The following TRIO variants were observed in gnomAD, a reference collection of about 807,000 sequenced individuals.
TRIO encodes the protein triple functional domain protein.
Under a neutral mutation model 351.9 loss-of-function variants are expected in TRIO, and 58 were observed. The ratio of observed to expected loss-of-function variants is 0.16; its 90% CI spans 0.13 to 0.21. TRIO has a LOEUF of 0.21. TRIO is among the 10% of genes least tolerant of loss of function. The probability of loss-of-function intolerance (pLI) is 1.00; values close to 1 mark genes in which losing one functional copy is unlikely to be tolerated. For synonymous variants in TRIO, 1,758 were observed against 1,595.7 expected (o/e 1.10, Z -2.42); for missense variants, 3,201 against 4,027.8 (o/e 0.79, Z 5.56).
chr5:14,377,156 GTT>G (rs112812791), intron 19 of TRIO, among the ~76,000 whole-genome samples: 1 of 137,456 alleles, frequency 7.3e-6, no homozygotes, highest in African/African-American at 2.6e-5. Flanking sequence ...CATGAGGTTT[GTT>G]TTTTTTTTTC....
At chr5:14,351,736 C>T (rs1296580494) in intron 11 of TRIO, among the ~76,000 whole-genome samples, 3 of 152,184 alleles carry the variant, frequency 2.0e-5, no homozygotes, top group Non-Finnish European at 4.4e-5. Context: ...TGTGTTGGGC[C>T]CCTCCTTCCA....
intron 1 of TRIO, among the ~76,000 whole-genome samples, chr5:14,176,469 CA>C (rs565104346): frequency 8.1e-5 from 12 of 147,432 alleles, no homozygotes; most frequent in South Asian, 6.5e-4. Context: ...GACTCTGTCT[CA>C]AAAAAAAAAC....
chr5:14,329,694 A>G (rs200287276), intron 9 of TRIO, among the ~76,000 whole-genome samples: 3 of 152,374 alleles, frequency 2.0e-5, no homozygotes, highest in South Asian at 4.1e-4. Flanking sequence ...ATATGTTTAA[A>G]TATTTAAAAT....
At chr5:14,453,504 A>G (rs1354747059) in intron 34 of TRIO, among the ~76,000 whole-genome samples, 20 of 152,240 alleles carry the variant, frequency 1.3e-4, no homozygotes, top group Non-Finnish European at 1.0e-4. Flanking sequence ...GTTCTGTGCT[A>G]TCATGGAGTC....
At chr5:14,291,681 C>G (rs1736917279) in intron 5 of TRIO, among the ~76,000 whole-genome samples, 1 of 149,670 alleles carries the variant, frequency 6.7e-6, no homozygotes, top group Non-Finnish European at 1.5e-5. Context: ...CCCAGCTACT[C>G]AGGAGGCTGA....
chr5:14,191,534 T>TCA (rs1790457551), intron 1 of TRIO, among the ~76,000 whole-genome samples: 1 of 135,230 alleles, frequency 7.4e-6, no homozygotes, highest in Non-Finnish European at 1.6e-5. Context: ...CCTGTTTCTT[T>TCA]AAAAAAAAAA....
At chr5:14,178,317 A>AT (rs1789529406) in intron 1 of TRIO, among the ~76,000 whole-genome samples, 1 of 152,210 alleles carries the variant, frequency 6.6e-6, no homozygotes, top group African/African-American at 2.4e-5. Flanking sequence ...TAATATTCAA[A>AT]TTTACTGGCA....
At chr5:14,448,326 C>G (rs1348432282) in intron 34 of TRIO, among the ~76,000 whole-genome samples, 1 of 152,238 alleles carries the variant, frequency 6.6e-6, no homozygotes, top group South Asian at 2.1e-4. Context: ...AGCAGGCTGT[C>G]GCTCCTTGCC....
intron 1 of TRIO, among the ~76,000 whole-genome samples, chr5:14,152,355 AGTTTTTTT>A (rs796464642): frequency 3.5e-4 from 49 of 140,278 alleles, no homozygotes; most frequent in African/African-American, 1.2e-3. Context: ...GATGTATTTC[AGTTTTTTT>A]GTTTGTTTGT....
chr5:14,225,166 C>G (rs186130995), intron 1 of TRIO, among the ~76,000 whole-genome samples: 156 of 152,188 alleles, frequency 1.0e-3, no homozygotes, highest in African/African-American at 3.5e-3. Flanking sequence ...CTGTAACACG[C>G]TGATCAGAAA....
At chr5:14,226,354 G>T (rs978339962) in intron 1 of TRIO, among the ~76,000 whole-genome samples, 2 of 152,196 alleles carry the variant, frequency 1.3e-5, no homozygotes, top group Non-Finnish European at 2.9e-5. Context: ...TAGCGCAGCT[G>T]TGTTTTTAGA....
chr5:14,212,596 T>C (rs1479761980), intron 1 of TRIO, among the ~76,000 whole-genome samples: 1 of 152,156 alleles, frequency 6.6e-6, no homozygotes, highest in African/African-American at 2.4e-5. Flanking sequence ...CAGAAGTGCC[T>C]GAGGAAGGCC....
At chr5:14,481,698 G>C (rs1755530581) in intron 45 of TRIO, 80 bp downstream of exon 45, 4 of 1,424,970 alleles carry the variant, frequency 2.8e-6, no homozygotes, top group Non-Finnish European at 2.9e-6. Flanking sequence ...TCTCCACATA[G>C]AGAAAGCTGA....
chr5:14,405,288 C>T (rs1357001524), intron 31 of TRIO, among the ~76,000 whole-genome samples: 2 of 152,160 alleles, frequency 1.3e-5, no homozygotes, highest in African/African-American at 4.8e-5. Flanking sequence ...CTCAGTTGCT[C>T]ATTTATAAGA....
chr5:14,386,928 G>C (rs950986508), intron 21 of TRIO, among the ~76,000 whole-genome samples: 2 of 152,214 alleles, frequency 1.3e-5, no homozygotes, highest in Non-Finnish European at 2.9e-5. Flanking sequence ...AGCTTCATGA[G>C]GAATTTTGTT....
At position 14,154,132 on chromosome 5, in the gene TRIO, T is replaced by C. The variant is rs1052696084; in HGVS notation, c.157+10250T>C. On this transcript the variant is annotated intron_variant, in intron 1 of 56. Coordinates refer to ENST00000344204, the MANE Select transcript of TRIO (RefSeq NM_007118.4). ...CTCACAGTCTGGGGAGAAATCCTGA[T>C]TGAAATCTTGGCCCTCTGTTTTCTT... is the stretch of plus-strand genomic sequence containing the variant. 3.3e-5 allele frequency among the ~76,000 whole-genome samples: 5 copies of C among 152,136 alleles called. No homozygotes were observed. In the East Asian group the frequency reaches 5.8e-4, roughly 18 times the overall value.
intron 55 of TRIO, among the ~76,000 whole-genome samples, chr5:14,505,058 G>A (rs374789676): frequency 7.9e-5 from 12 of 152,226 alleles, no homozygotes; most frequent in African/African-American, 1.9e-4. Context: ...GCACCTCCCC[G>A]CAGAATGTCC....
At chr5:14,433,594 T>C (rs1751355720) in intron 34 of TRIO, among the ~76,000 whole-genome samples, 1 of 152,120 alleles carries the variant, frequency 6.6e-6, no homozygotes, top group South Asian at 2.1e-4. Context: ...TTTAAAAAAA[T>C]GGTATGACAT....
chr5:14,281,621 G>T (rs1440351382), intron 3 of TRIO, among the ~76,000 whole-genome samples: 3 of 152,142 alleles, frequency 2.0e-5, no homozygotes, highest in African/African-American at 7.2e-5. Flanking sequence ...GTCATGCCTG[G>T]AATAGGAGAT....
Sources: allele counts gnomAD v4.1 joint callset (sites outside exome capture counted in the v4.1 genomes callset), GRCh38; gene constraint gnomAD v4.1.1; transcripts MANE v1.5; gene names NCBI Gene and HGNC (gene_info 2026-07-23, HGNC 2026-07-21).